The following KRT8 variants were observed in gnomAD, a reference collection of about 807,000 sequenced individuals.
The protein encoded by KRT8 is keratin, type II cytoskeletal 8.
KRT8 carries 24 observed loss-of-function variants against 43.0 expected under a neutral mutation model. The ratio of observed to expected loss-of-function variants is 0.56; its 90% confidence interval spans 0.40 to 0.78. The LOEUF (loss-of-function observed/expected upper bound fraction) is 0.78, where lower values mean the gene tolerates loss of function less well. Ranked by LOEUF, KRT8 falls within the 30% of genes least tolerant of loss-of-function variation. KRT8 has a pLI of 0.00. For missense variants in KRT8, 492 were observed against 638.4 expected, an observed-to-expected ratio of 0.77 and a Z score of 2.47; for synonymous variants, 214 against 261.2, an observed-to-expected ratio of 0.82 and a Z score of 1.74.
upstream of KRT8, among the ~76,000 whole-genome samples, chr12:52,906,097 G>A (rs749288217): frequency 8.6e-5 from 13 of 152,004 alleles, no homozygotes; most frequent in Non-Finnish European, 1.6e-4. Flanking sequence ...AAAAAAGAGC[G>A]AGATCCAACA....
intron 2 of KRT8, among the ~76,000 whole-genome samples, chr12:52,929,970 C>A (rs1426804568): frequency 1.3e-5 from 2 of 152,208 alleles, no homozygotes; most frequent in African/African-American, 4.8e-5. Context: ...CTCCAGGCCT[C>A]ACTTCCTCTC....
At chr12:52,936,433 C>T (rs1327835925) in intron 2 of KRT8, among the ~76,000 whole-genome samples, 4 of 152,106 alleles carry the variant, frequency 2.6e-5, no homozygotes, top group Non-Finnish European at 5.9e-5. Flanking sequence ...CATGTGCACA[C>T]CATCACACCA....
At chr12:52,929,034 C>A (rs1942041114) in intron 2 of KRT8, among the ~76,000 whole-genome samples, 1 of 152,160 alleles carries the variant, frequency 6.6e-6, no homozygotes, top group South Asian at 2.1e-4. Context: ...TTTTCACCTC[C>A]TCCTACATCC....
At chr12:52,938,943 G>T (rs1001883724) in intron 2 of KRT8, among the ~76,000 whole-genome samples, 3 of 152,160 alleles carry the variant, frequency 2.0e-5, no homozygotes, top group African/African-American at 7.2e-5. Flanking sequence ...AAACCAGCCA[G>T]GTTTAGTGGT....
At chr12:52,939,552 C>T (rs1019214408) in intron 2 of KRT8, among the ~76,000 whole-genome samples, 23 of 151,634 alleles carry the variant, frequency 1.5e-4, no homozygotes, top group Admixed American at 1.4e-3. Flanking sequence ...AAAACCCCGT[C>T]TCTACTAAAA....
At chr12:52,933,105 A>T (rs1013165896) in intron 2 of KRT8, among the ~76,000 whole-genome samples, 26 of 152,062 alleles carry the variant, frequency 1.7e-4, no homozygotes, top group Middle Eastern at 3.4e-3. Context: ...CACCACGCCC[A>T]GCTAATTTTT....
intron 2 of KRT8, chr12:52,926,592 C>G: frequency 2.7e-6 from 2 of 746,242 alleles, no homozygotes; most frequent in South Asian, 3.5e-5. Context: ...GTTACACTTG[C>G]TGTGGGCATG....
chr12:52,917,581 T>G (rs1941766244), intron 2 of KRT8, among the ~76,000 whole-genome samples: 1 of 144,494 alleles, frequency 6.9e-6, no homozygotes. Context: ...TGGTGGCACA[T>G]GCCTGTAATC....
In KRT8 at chr12:52,917,690, T is replaced by C. The variant is rs368602252; in HGVS notation, c.-46-12663A>G. On this transcript the variant is annotated intron_variant, in intron 2 of 6. Coordinates refer to the KRT8 transcript ENST00000546826. Reference sequence around the variant, plus strand: ...TGCCATTGCACTCCAGCCTGGGTGATAGGGCGAGACTCTGTCTCAAAAAAA... The same window carrying C: ...TGCCATTGCACTCCAGCCTGGGTGACAGGGCGAGACTCTGTCTCAAAAAAA... 1.6e-4 allele frequency among the ~76,000 whole-genome samples: 22 copies of C among 133,432 alleles called. No individual in the cohort carries two copies. The East Asian group carries it at 4.8e-3, about 29-fold the overall frequency. 87.5% of individuals were successfully genotyped at this position (133,432 alleles called of 152,430 possible). A position where few individuals can be genotyped will look rare whatever the true frequency, so the allele number is the denominator to read the frequency against.
intron 2 of KRT8, among the ~76,000 whole-genome samples, chr12:52,918,203 A>AAGG (rs1565725692): frequency 8.6e-6 from 1 of 116,044 alleles, no homozygotes; most frequent in African/African-American, 3.7e-5. Context: ...GAAGAAGAAG[A>AAGG]ACAAGAAGAA....
intron 2 of KRT8, among the ~76,000 whole-genome samples, chr12:52,932,425 C>A (rs944854529): frequency 6.6e-6 from 1 of 152,116 alleles, no homozygotes; most frequent in African/African-American, 2.4e-5. Context: ...ACTTTGTCCA[C>A]AAGATCAGGA....
chr12:52,914,792 C>T (rs1294816656), intron 2 of KRT8, among the ~76,000 whole-genome samples: 2 of 152,230 alleles, frequency 1.3e-5, no homozygotes, highest in Non-Finnish European at 2.9e-5. Flanking sequence ...AGGACCAAGA[C>T]TCTCTTCCTG....
At chr12:52,917,975 G>GGAA (rs755910762) in intron 2 of KRT8, among the ~76,000 whole-genome samples, 3 of 134,568 alleles carry the variant, frequency 2.2e-5, no homozygotes, top group African/African-American at 8.4e-5. Context: ...AAGAGGAAGA[G>GGAA]GAAGAAGAAG....
At chr12:52,918,218 A>AAGAAGAAGAAGAAGAAGG (rs1941811054) in intron 2 of KRT8, among the ~76,000 whole-genome samples, 1 of 134,834 alleles carries the variant, frequency 7.4e-6, no homozygotes, top group Non-Finnish European at 1.7e-5. Context: ...GAAGAAGAAG[A>AAGAAGAAGAAGAAGAAGG]AGAAGAAGAA....
At chr12:52,897,797 G>C (rs907935737) in intron 7 of KRT8, among the ~76,000 whole-genome samples, 179 bp from the exon 8 acceptor site, 3 of 152,224 alleles carry the variant, frequency 2.0e-5, no homozygotes, top group Non-Finnish European at 4.4e-5. Context: ...CAGGAGCAGG[G>C]TGGAAAACAG....
chr12:52,899,000 G>T, intron 5 of KRT8, 101 bp from the exon 6 acceptor site: 1 of 993,712 alleles, frequency 1.0e-6, no homozygotes, highest in South Asian at 1.4e-5. Flanking sequence ...CACCTAGGCT[G>T]ACTCCCCCCA....
intron 2 of KRT8, among the ~76,000 whole-genome samples, chr12:52,941,067 ATT>A (rs10706288): frequency 0.024 from 3,417 of 141,940 alleles, 65 homozygotes; most frequent in African/African-American, 0.044. Flanking sequence ...CAATACATTA[ATT>A]TTTTTTTTTT....
At chr12:52,901,643 C>A (rs887241946) in intron 2 of KRT8, 3 of 601,480 alleles carry the variant, frequency 5.0e-6, no homozygotes, top group Non-Finnish European at 8.9e-6. Context: ...TTCTTCAAAT[C>A]CAGACAGTTG....
chr12:52,899,835 G>A (rs1941318718), exon 5 of KRT8: 2 of 1,612,154 alleles, frequency 1.2e-6, no homozygotes, highest in East Asian at 4.5e-5. Flanking sequence ...TCATCTCAGA[G>A]ATCTCAGTCT....
Sources: gnomAD v4.1 joint callset for allele counts (sites outside exome capture counted in the v4.1 genomes callset) on GRCh38, gnomAD v4.1.1 for gene constraint, MANE v1.5 for transcripts, NCBI Gene and HGNC (gene_info 2026-07-23, HGNC 2026-07-21) for gene names.